The following CEP76 variants were observed in gnomAD, a reference collection of about 807,000 sequenced individuals.
CEP76 encodes the protein centrosomal protein of 76 kDa.
CEP76 carries 55 observed loss-of-function variants against 83.3 expected under a neutral mutation model. The ratio of observed to expected loss-of-function variants is 0.66; its 90% CI spans 0.53 to 0.83. The LOEUF is 0.83. Ranked by LOEUF, CEP76 falls within the 40% of genes least tolerant of loss-of-function variation. CEP76 has a pLI of 0.00. For synonymous variants in CEP76, 270 were observed against 274.5 expected (o/e 0.98, Z 0.16); for missense variants, 694 against 799.5 (o/e 0.87, Z 1.59).
At chr18:12,691,151 T>C (rs2039745422) in intron 7 of CEP76, 1 of 399,922 alleles carries the variant, frequency 2.5e-6, no homozygotes, top group Admixed American at 4.3e-5. Flanking sequence ...AAACCCACAA[T>C]AACTGAAATT....
At chr18:12,667,430 C>A (rs2038824862) in intron 12 of CEP76, among the ~76,000 whole-genome samples, 1 of 151,928 alleles carries the variant, frequency 6.6e-6, no homozygotes, top group Non-Finnish European at 1.5e-5. Context: ...GCACTCTATC[C>A]CCAAAGACAG....
chr18:12,680,347 G>A (rs140452318), intron 9 of CEP76, among the ~76,000 whole-genome samples: 10 of 151,856 alleles, frequency 6.6e-5, no homozygotes, highest in African/African-American at 2.4e-4. Flanking sequence ...TGTAATCCCA[G>A]CACTTTGGGA....
intron 7 of CEP76, among the ~76,000 whole-genome samples, chr18:12,688,244 A>C (rs1311497990): frequency 1.3e-5 from 2 of 151,904 alleles, no homozygotes; most frequent in African/African-American, 4.8e-5. Flanking sequence ...AAAAAAAAAA[A>C]AAACAAAACC....
At chr18:12,689,694 C>G (rs921085041) in intron 7 of CEP76, among the ~76,000 whole-genome samples, 1 of 152,116 alleles carries the variant, frequency 6.6e-6, no homozygotes, top group Non-Finnish European at 1.5e-5. Context: ...CATCCTGAGT[C>G]CTCTCTAGTT....
chr18:12,702,705 C>T lies in CEP76; in HGVS notation c.-157G>A. 2.5e-6 allele frequency: 2 copies of T among 800,872 alleles called. No individual in the cohort carries two copies. The highest frequency in any genetic ancestry group is 3.8e-6 in the Non-Finnish European group (2 of 532,924). The allele number at this position is 800,872 out of a possible 1,614,324, so 49.6% of individuals were successfully genotyped here. ...CGGGGGACGCAACGCCGCGTCAGGC[C>T]GGGGGCTGACCTGGAAATGAGGCCC... On this transcript the variant is annotated 5_prime_UTR_variant, in exon 1 of 12. Transcript: ENST00000262127.
intron 11 of CEP76, 87 bp from the exon 12 acceptor site, chr18:12,673,590 T>A: frequency 8.5e-7 from 1 of 1,178,790 alleles, no homozygotes; most frequent in Non-Finnish European, 1.2e-6. Flanking sequence ...TTTAAAATAA[T>A]TTTTTCAGGC....
chr18:12,665,885 CAG>C (rs978405703), intron 12 of CEP76, among the ~76,000 whole-genome samples: 5 of 152,146 alleles, frequency 3.3e-5, no homozygotes, highest in Admixed American at 1.3e-4. Context: ...TTAGTAGAGA[CAG>C]GGTTTCACCA....
At chr18:12,698,730 T>C (rs1350171529) in intron 4 of CEP76, 2 of 490,470 alleles carry the variant, frequency 4.1e-6, no homozygotes, top group East Asian at 6.8e-5. Context: ...ACATAATAGG[T>C]ATTTAAGTGT....
chr18:12,669,032 C>CTTTTTTTTTTT (rs71174122), downstream of CEP76, among the ~76,000 whole-genome samples: 2 of 41,960 alleles, frequency 4.8e-5, no homozygotes, highest in African/African-American at 1.9e-4. Context: ...ACCCCCCGCA[C>CTTTTTTTTTTT]TTTTTTTTTT....
chr18:12,668,669 TCA>T (rs1400606022), downstream of CEP76, among the ~76,000 whole-genome samples: 2 of 146,290 alleles, frequency 1.4e-5, no homozygotes, highest in Non-Finnish European at 3.0e-5. Flanking sequence ...CTGAAACTGT[TCA>T]GACTGGATTA....
chr18:12,664,739 C>T (rs528790294), intron 12 of CEP76, among the ~76,000 whole-genome samples: 1 of 149,732 alleles, frequency 6.7e-6, no homozygotes, highest in Non-Finnish European at 1.5e-5. Context: ...TGCTCTGTCG[C>T]TCAGGCTGGA....
At chr18:12,680,014 C>A (rs1459810869) in intron 9 of CEP76, among the ~76,000 whole-genome samples, 1 of 150,622 alleles carries the variant, frequency 6.6e-6, no homozygotes, top group East Asian at 2.0e-4. Flanking sequence ...TGTGACTGTG[C>A]CACTGCACTC....
In CEP76 at chr18:12,673,512, GAAA is replaced by G; in HGVS notation, c.1842-12_1842-10del. ...CTTCACAGAAAGGAGATCTATTTAA[GAAA>G]AAAAAAATTATTCAATTAAGAAGTG... On this transcript the variant is annotated splice_polypyrimidine_tract_variant and intron_variant, in intron 11 of 11. Coordinates refer to ENST00000262127, the MANE Select transcript of CEP76 (RefSeq NM_024899.4). 1.3e-6 allele frequency: 2 copies of G among 1,502,972 alleles called. No individual in the cohort carries two copies. The highest frequency in any genetic ancestry group is 1.8e-6 in the Non-Finnish European group (2 of 1,120,814). 93.1% of individuals were successfully genotyped at this position (1,502,972 alleles called of 1,614,324 possible). A position where few individuals can be genotyped will look rare whatever the true frequency, so the allele number is the denominator to read the frequency against.
chr18:12,676,000 T>C (rs747119690), intron 10 of CEP76, among the ~76,000 whole-genome samples: 22 of 152,040 alleles, frequency 1.4e-4, no homozygotes, highest in African/African-American at 5.1e-4. Context: ...AAAAGACCTA[T>C]TGATATCTGG....
chr18:12,697,464 A>T, intron 4 of CEP76, 56 bp from the exon 5 acceptor site: 1 of 1,134,490 alleles, frequency 8.8e-7, no homozygotes, highest in East Asian at 2.5e-5. Context: ...TTAGGCCAAC[A>T]TAAAAGAATA....
At chr18:12,701,292 C>T (rs983664547) in intron 1 of CEP76, among the ~76,000 whole-genome samples, 179 bp from the exon 2 acceptor site, 11 of 152,182 alleles carry the variant, frequency 7.2e-5, no homozygotes, top group Non-Finnish European at 1.6e-4. Flanking sequence ...ATAGTCTCCA[C>T]TGGTTATCTG....
chr18:12,665,973 T>C (rs950809391), intron 12 of CEP76, among the ~76,000 whole-genome samples: 4 of 152,034 alleles, frequency 2.6e-5, no homozygotes, highest in Non-Finnish European at 5.9e-5. Context: ...GGGATAACAG[T>C]CGTGAGCCAC....
intron 8 of CEP76, among the ~76,000 whole-genome samples, chr18:12,681,745 G>GGGGA (rs1363025159): frequency 2.6e-5 from 4 of 152,098 alleles, no homozygotes; most frequent in Admixed American, 6.6e-5. Flanking sequence ...GGTTATTACT[G>GGGGA]GGGAGGTTAT....
chr18:12,681,256 A>ATT (rs34816720), intron 8 of CEP76, among the ~76,000 whole-genome samples: 15,101 of 115,226 alleles, frequency 0.13, 1,275 homozygotes, highest in African/African-American at 0.2. Flanking sequence ...AAAGTAGAAC[A>ATT]TTTTTTTTTT....
Sources: gnomAD v4.1 joint callset for allele counts (sites outside exome capture counted in the v4.1 genomes callset) on GRCh38, gnomAD v4.1.1 for gene constraint, MANE v1.5 for transcripts, NCBI Gene and HGNC (gene_info 2026-07-23, HGNC 2026-07-21) for gene names.